Variants in MYT1L observed in about 807,000 individuals in gnomAD.
MYT1L encodes the protein myelin transcription factor 1 like.
In MYT1L, 12 loss-of-function variants were observed where a neutral mutation model predicts 126.7. That is an observed-to-expected ratio of 0.09 (90% CI 0.06 to 0.15). The LOEUF is 0.15. Among genes scored for constraint, MYT1L ranks in the 10% least tolerant of loss-of-function variants. The probability of loss-of-function intolerance (pLI) is 1.00; values close to 1 mark genes in which losing one functional copy is unlikely to be tolerated. For synonymous variants in MYT1L, 541 were observed against 604.2 expected, an observed-to-expected ratio of 0.90 and a Z score of 1.53; for missense variants, 979 against 1,585.2, an observed-to-expected ratio of 0.62 and a Z score of 6.49.
At chr2:1,909,439 T>A (rs949028530) in intron 13 of MYT1L, among the ~76,000 whole-genome samples, 1 of 152,110 alleles carries the variant, frequency 6.6e-6, no homozygotes, top group Non-Finnish European at 1.5e-5. Context: ...GATGATTACA[T>A]AGAGACAAGG....
chr2:1,995,823 T>G (rs1456362113), intron 5 of MYT1L, among the ~76,000 whole-genome samples: 1 of 152,146 alleles, frequency 6.6e-6, no homozygotes, highest in East Asian at 1.9e-4. Flanking sequence ...TCAGGGCTGC[T>G]GCAGGTGACG....
intron 1 of MYT1L, among the ~76,000 whole-genome samples, chr2:2,310,999 G>T (rs980273014): frequency 7.9e-5 from 12 of 152,246 alleles, no homozygotes; most frequent in South Asian, 2.1e-4. Flanking sequence ...CTGCTTCATG[G>T]ATCTGTGACT....
intron 21 of MYT1L, chr2:1,827,246 GCT>G (rs1365572509): frequency 6.6e-6 from 1 of 152,254 alleles, no homozygotes; most frequent in Non-Finnish European, 1.5e-5. Flanking sequence ...GGATGGAAAT[GCT>G]CTCTGTCTCC....
chr2:1,823,077 C>G (rs1028339846), intron 21 of MYT1L, among the ~76,000 whole-genome samples: 7 of 152,168 alleles, frequency 4.6e-5, no homozygotes, highest in Admixed American at 1.3e-4. Flanking sequence ...ACATGTGAAC[C>G]ATAACTCTTC....
intron 2 of MYT1L, among the ~76,000 whole-genome samples, chr2:2,281,184 GC>G (rs751740298): frequency 6.1e-4 from 93 of 152,314 alleles, no homozygotes; most frequent in African/African-American, 1.5e-3. Flanking sequence ...GGCTTTCCCT[GC>G]TTTGCTCAGC....
intron 3 of MYT1L, among the ~76,000 whole-genome samples, chr2:2,148,889 A>G (rs911923978): frequency 6.6e-6 from 1 of 152,080 alleles, no homozygotes; most frequent in Admixed American, 6.5e-5. Context: ...GTTGCTCAAG[A>G]ATAAAATGCT....
At chr2:2,156,910 C>A (rs577404467) in intron 3 of MYT1L, among the ~76,000 whole-genome samples, 11 of 152,154 alleles carry the variant, frequency 7.2e-5, no homozygotes, top group African/African-American at 1.2e-4. Flanking sequence ...TTTAATGGGA[C>A]CTTGTCAAGG....
chr2:2,248,685 A>C (rs2094579663), intron 2 of MYT1L, among the ~76,000 whole-genome samples: 1 of 152,124 alleles, frequency 6.6e-6, no homozygotes, highest in African/African-American at 2.4e-5. Context: ...TGACCCAGCG[A>C]AATTTATCCC....
Position 2,283,016 on chromosome 2 carries a change from G to T in MYT1L, c.-421+1388C>A, listed in dbSNP as rs79415769. 0.014 allele frequency among the ~76,000 whole-genome samples: 2,167 copies of T among 152,254 alleles called. 131 individuals are homozygous for T. The East Asian group carries it at 0.2, about 14-fold the overall frequency. On this transcript the variant is annotated intron_variant, in intron 2 of 24. Transcript: ENST00000647738. ...CTTGAACCCCGGAGGGAGAGGTTAC[G>T]GTGAGCCAAGATTGTGCCACTGCAC...
chr2:1,876,092 G>A (rs113889191), intron 18 of MYT1L, among the ~76,000 whole-genome samples: 1,990 of 152,292 alleles, frequency 0.013, 31 homozygotes, highest in African/African-American at 0.046. Context: ...CTCTTTGGCC[G>A]CCTGATTCCC....
intron 4 of MYT1L, among the ~76,000 whole-genome samples, chr2:2,020,329 T>C (rs904374256): frequency 1.3e-4 from 20 of 152,240 alleles, no homozygotes; most frequent in Non-Finnish European, 1.6e-4. Flanking sequence ...CATGCACACA[T>C]ACCTATATTT....
At chr2:1,945,712 G>C (rs1016598780) in intron 8 of MYT1L, among the ~76,000 whole-genome samples, 5 of 152,142 alleles carry the variant, frequency 3.3e-5, no homozygotes, top group African/African-American at 1.2e-4. Context: ...GCACCTGCTA[G>C]GTACTCCATG....
chr2:2,179,549 T>A (rs1171510014), intron 2 of MYT1L, among the ~76,000 whole-genome samples: 2 of 152,208 alleles, frequency 1.3e-5, no homozygotes, highest in African/African-American at 4.8e-5. Context: ...ACACGTGTAT[T>A]CCAATTTAAA....
chr2:1,889,395 A>G lies in MYT1L; in HGVS notation c.2366T>C (p.Ile789Thr). 1 of 1,613,930 alleles carries G rather than the reference A, an allele frequency of 6.2e-7. No individual in the cohort carries two copies. The highest frequency in any genetic ancestry group is 8.5e-7 in the Non-Finnish European group (1 of 1,179,878). The change falls in exon 16 of 25, where the codon ATC (isoleucine) becomes ACC (threonine). Residue 789 changes from isoleucine to threonine, a missense_variant. Ile to Thr is a moderately conservative substitution (Grantham distance 89, BLOSUM62 -1). Transcript: ENST00000647738. The surrounding 1 kb of genome is among the most constrained non-coding windows in gnomAD (Gnocchi z 4.1). Reference protein sequence around the residue: ...KQRPRDSCCPILTPLEPMSPQ... With the variant: ...KQRPRDSCCPTLTPLEPMSPQ... ...GGACATGGGCTCCAGAGGGGTCAGG[A>G]TGGGGCAGCAGCTGTCCCGCGGCCT...
At chr2:2,291,667 C>T (rs1441285369) in intron 1 of MYT1L, among the ~76,000 whole-genome samples, 1 of 152,190 alleles carries the variant, frequency 6.6e-6, no homozygotes, top group Admixed American at 6.5e-5. Flanking sequence ...TGTGGAAAGT[C>T]GGGTTCTGCA....
intron 3 of MYT1L, among the ~76,000 whole-genome samples, chr2:2,141,525 C>T (rs139161508): frequency 7.9e-5 from 12 of 152,246 alleles, no homozygotes; most frequent in Middle Eastern, 3.4e-3. Context: ...GAGTTCTGCT[C>T]GAGCACTCTT....
chr2:1,886,206 T>C (rs982632976), intron 18 of MYT1L: 1 of 218,692 alleles, frequency 4.6e-6, no homozygotes, highest in Admixed American at 5.8e-5. Context: ...TTTTGATTAT[T>C]TACAGTCATT....
chr2:2,126,131 C>G lies in MYT1L; in HGVS notation c.-304+46741G>C, dbSNP rs543256102. On this transcript the variant is annotated intron_variant, in intron 3 of 24. Transcript: ENST00000647738. ...CCCTTTCCCAGATCTCCAACTGTTC[C>G]ACCAGCTTCAGGGTCCCTGTGTTTA... 1.8e-4 allele frequency among the ~76,000 whole-genome samples: 27 copies of G among 152,302 alleles called. No homozygotes were observed. The South Asian group carries it at 5.4e-3, about 30-fold the overall frequency.
chr2:2,188,216 C>G (rs1267219121), intron 2 of MYT1L, among the ~76,000 whole-genome samples: 1 of 152,188 alleles, frequency 6.6e-6, no homozygotes, highest in Non-Finnish European at 1.5e-5. Flanking sequence ...AGGCATATTA[C>G]TCAGTATTAC....
Sources: gnomAD v4.1 joint callset for allele counts (sites outside exome capture counted in the v4.1 genomes callset) on GRCh38, gnomAD v4.1.1 for gene constraint, Gnocchi (gnomAD v3.1) non-coding constraint, MANE v1.5 for transcripts, NCBI Gene and HGNC (gene_info 2026-07-23, HGNC 2026-07-21) for gene names.